Variants in ANKRD26 observed in about 807,000 individuals in gnomAD.
The protein encoded by ANKRD26 is ankyrin repeat domain 26.
A neutral mutation model predicts 208.7 loss-of-function variants in ANKRD26; 141 were observed. The observed-to-expected ratio is 0.68, with a 90% CI of 0.59 to 0.78. The LOEUF is 0.78. Ranked by LOEUF, ANKRD26 falls within the 30% of genes least tolerant of loss-of-function variation. The pLI is 0.00. For synonymous variants in ANKRD26, 636 were observed against 660.4 expected (o/e 0.96, Z 0.57); for missense variants, 1,889 against 1,938.7 (o/e 0.97, Z 0.48).
chr10:27,027,032 C>A (rs866908165), intron 27 of ANKRD26, among the ~76,000 whole-genome samples: 1 of 152,108 alleles, frequency 6.6e-6, no homozygotes, highest in African/African-American at 2.4e-5. Flanking sequence ...GTGATCCACC[C>A]GCCTCGGCCT....
chr10:27,059,196 G>A (rs1407228386), intron 15 of ANKRD26, among the ~76,000 whole-genome samples: 1 of 152,208 alleles, frequency 6.6e-6, no homozygotes, highest in African/African-American at 2.4e-5. Flanking sequence ...TAACAGGTGT[G>A]AGCCACCATG....
downstream of ANKRD26, among the ~76,000 whole-genome samples, chr10:26,972,159 C>T (rs996066605): frequency 7.3e-5 from 11 of 150,112 alleles, no homozygotes; most frequent in South Asian, 2.1e-4. Flanking sequence ...GGCGTGATCC[C>T]GGGAGGCGGA....
Position 27,077,656 on chromosome 10 carries a change from GC to G in ANKRD26, c.850del (p.Ala284LeufsTer9). The G allele has an allele frequency of 6.2e-7, 1 of 1,613,250 alleles. No homozygotes were observed. The highest frequency in any genetic ancestry group is 1.3e-5 in the African/African-American group (1 of 75,032). ...ACAATTTTTCCTGGATTGCTGAGAAGCAGTCATTAGCTTTGCTAAGCTTGGT... is the reference window on the plus strand; with the variant it reads ...ACAATTTTTCCTGGATTGCTGAGAAGAGTCATTAGCTTTGCTAAGCTTGGT... ...PKPSLAKLMT[A>X]SQQSRKNLEA... On this transcript the variant is annotated frameshift_variant, in exon 8 of 34. Transcript: ENST00000376087. LOFTEE classifies it high-confidence loss of function.
At chr10:27,089,658 G>T (rs1041483410) in intron 4 of ANKRD26, among the ~76,000 whole-genome samples, 6 of 152,174 alleles carry the variant, frequency 3.9e-5, no homozygotes, top group African/African-American at 1.4e-4. Context: ...CGGGCATGGT[G>T]GTATGTGCTT....
chr10:27,080,038 TC>T, intron 6 of ANKRD26: 1 of 400,800 alleles, frequency 2.5e-6, no homozygotes, highest in Non-Finnish European at 4.9e-6. Context: ...GTACCTGTGG[TC>T]CCAGCTACTT....
In ANKRD26 at chr10:27,061,186, G is replaced by C. The variant is rs1047617559; in HGVS notation, c.1420C>G (p.Leu474Val). 1 of 1,612,626 alleles carries C rather than the reference G, an allele frequency of 6.2e-7. No individual in the cohort carries two copies. Among genetic ancestry groups the C allele is most frequent in the African/African-American group, 1.3e-5 (1 of 74,954 alleles). ...SGSRNFKMAK[L>V]EDTRNVGMPV... ...ATGCCTACATTTCTTGTATCCTCTA[G>C]TTTAGCCATCTTAAAGTTTCTTGAT... Residue 474 changes from leucine (L) to valine (V), a missense_variant, in exon 13 of 34, where the codon CTA becomes GTA. Coordinates refer to ENST00000376087, the MANE Select transcript of ANKRD26 (RefSeq NM_014915.3).
rs72807637 is a variant in ANKRD26 at position 27,072,414 on chromosome 10, C to T, written c.1077+4924G>A. On this transcript the variant is annotated intron_variant, in intron 9 of 33. Coordinates refer to ENST00000376087, the MANE Select transcript of ANKRD26 (RefSeq NM_014915.3). ...ACTGCCCTCTGATCCCCAATGGGGCCGCTCCACTGCTTGCACCCACATGTG... is the reference window on the plus strand; with the variant it reads ...ACTGCCCTCTGATCCCCAATGGGGCTGCTCCACTGCTTGCACCCACATGTG... 4.0e-3 allele frequency among the ~76,000 whole-genome samples: 611 copies of T among 152,286 alleles called. 4 individuals carry two copies. Among genetic ancestry groups the T allele is most frequent in the Middle Eastern group, 0.01 (3 of 294 alleles).
the ANKRD26 span, among the ~76,000 whole-genome samples, chr10:26,961,534 C>A: frequency 1.3e-5 from 2 of 152,022 alleles, no homozygotes; most frequent in East Asian, 3.9e-4. Context: ...CTGTGTTTTA[C>A]CTTCTTCGTG....
At chr10:27,048,706 A>G in intron 17 of ANKRD26, 95 bp downstream of exon 17, 1 of 1,352,512 alleles carries the variant, frequency 7.4e-7, no homozygotes, top group African/African-American at 1.5e-5. Context: ...TTGCATAGTA[A>G]AAGTATAAAA....
chr10:26,975,531 G>A (rs933787637), exon 6 of ANKRD26, among the ~76,000 whole-genome samples: 1 of 148,164 alleles, frequency 6.7e-6, no homozygotes, highest in Admixed American at 6.9e-5. Context: ...CCTGCCCTCT[G>A]CACACAGTTT....
At chr10:27,042,354 C>T (rs952599627) in intron 20 of ANKRD26, among the ~76,000 whole-genome samples, 5 of 152,214 alleles carry the variant, frequency 3.3e-5, no homozygotes, top group African/African-American at 9.6e-5. Context: ...CGGTGGCTCA[C>T]GCCCGAAATC....
At chr10:27,019,781 T>TA (rs1159095762) in intron 29 of ANKRD26, among the ~76,000 whole-genome samples, 1 of 152,242 alleles carries the variant, frequency 6.6e-6, no homozygotes, top group Non-Finnish European at 1.5e-5. Flanking sequence ...TTATGTTTCT[T>TA]ATTGTCTCTT....
At chr10:27,019,178 G>C (rs1227274415) in intron 29 of ANKRD26, among the ~76,000 whole-genome samples, 1 of 152,100 alleles carries the variant, frequency 6.6e-6, no homozygotes, top group East Asian at 1.9e-4. Flanking sequence ...TACTCGGGAG[G>C]CTGAGGCAGG....
the ANKRD26 span, among the ~76,000 whole-genome samples, chr10:26,956,403 A>C: frequency 6.6e-6 from 1 of 152,198 alleles, no homozygotes; most frequent in African/African-American, 2.4e-5. Flanking sequence ...ATCTCTTATG[A>C]AAAAATATTA....
chr10:27,002,923 A>C (rs544593199), downstream of ANKRD26, among the ~76,000 whole-genome samples: 1 of 145,374 alleles, frequency 6.9e-6, no homozygotes. Flanking sequence ...TTAATTTTTT[A>C]AATTAATCTT....
At chr10:27,054,261 C>T (rs1328369474) in intron 15 of ANKRD26, among the ~76,000 whole-genome samples, 1 of 152,068 alleles carries the variant, frequency 6.6e-6, no homozygotes, top group African/African-American at 2.4e-5. Context: ...TTACTGAGTT[C>T]CTGCTAAGTT....
intron 29 of ANKRD26, among the ~76,000 whole-genome samples, chr10:27,018,568 T>C (rs1308966079): frequency 1.3e-5 from 2 of 152,212 alleles, no homozygotes; most frequent in Non-Finnish European, 2.9e-5. Context: ...ATATAGATTC[T>C]AATGCCATAA....
rs758480659 is a variant in ANKRD26, at chr10:27,035,406, G to C, written c.3044C>G (p.Ala1015Gly). ...EVESYHSRLA[A>G]AIHDRDQSET... ...ACTTTGATCACGATCATGTATAGCAGCAGCCAATCTAGAATGGTATGATTC... is the reference window on the plus strand; with the variant it reads ...ACTTTGATCACGATCATGTATAGCACCAGCCAATCTAGAATGGTATGATTC... The change falls in exon 24 of 34, where the codon GCT becomes GGT. Residue 1015 changes from alanine to glycine, a missense_variant. Physicochemically the swap from Ala to Gly is moderately conservative, Grantham distance 60. Transcript: ENST00000376087. 6.2e-7 allele frequency: 1 copy of C among 1,613,790 alleles called. No individual in the cohort carries two copies. The highest frequency in any genetic ancestry group is 1.3e-5 in the African/African-American group (1 of 74,894).
chr10:27,082,767 C>T, intron 6 of ANKRD26, 36 bp downstream of exon 6: 3 of 1,554,578 alleles, frequency 1.9e-6, no homozygotes, highest in Non-Finnish European at 2.6e-6. Flanking sequence ...CTCTGTATTC[C>T]TTTAAATATA....
Sources: gnomAD v4.1 joint callset for allele counts (sites outside exome capture counted in the v4.1 genomes callset) on GRCh38, gnomAD v4.1.1 for gene constraint, MANE v1.5 for transcripts, NCBI Gene and HGNC (gene_info 2026-07-23, HGNC 2026-07-21) for gene names.